Variants in CSNK1G1 observed in about 807,000 individuals in gnomAD.
CSNK1G1 encodes casein kinase 1 gamma 1, also known as casein kinase I isoform gamma-1.
A neutral mutation model predicts 59.6 loss-of-function variants in CSNK1G1; 22 were observed. The ratio of observed to expected loss-of-function variants is 0.37; its 90% CI spans 0.26 to 0.53. CSNK1G1 has a LOEUF of 0.53. CSNK1G1 is among the 20% of genes least tolerant of loss of function. The pLI is 0.89. For synonymous variants in CSNK1G1, 179 were observed against 177.1 expected (o/e 1.01, Z -0.08); for missense variants, 384 against 519.5 (o/e 0.74, Z 2.54).
At chr15:64,315,533 C>T (rs1442153932) in intron 1 of CSNK1G1, among the ~76,000 whole-genome samples, 18 of 152,198 alleles carry the variant, frequency 1.2e-4, no homozygotes, top group Non-Finnish European at 2.6e-4. Context: ...ACTGGAATTA[C>T]TTGCCTTAGT....
At chr15:64,259,044 G>T in intron 3 of CSNK1G1, 157 bp downstream of exon 3, 1 of 601,834 alleles carries the variant, frequency 1.7e-6, no homozygotes. Flanking sequence ...ATTCATCACT[G>T]TTAACACTAT....
chr15:64,252,245 G>A lies in CSNK1G1; in HGVS notation c.223-664C>T, dbSNP rs540562270. On this transcript the variant is annotated intron_variant, in intron 3 of 11. Coordinates refer to ENST00000303052, the MANE Select transcript of CSNK1G1 (RefSeq NM_022048.5). ...CATATTCCCATGGCGGTAAATAAACGTGTATAATTTCTTTTTTTTTTTAAG... is the reference window on the plus strand; with the variant it reads ...CATATTCCCATGGCGGTAAATAAACATGTATAATTTCTTTTTTTTTTTAAG... 5.3e-5 allele frequency among the ~76,000 whole-genome samples: 8 copies of A among 151,602 alleles called. No homozygotes were observed. In the East Asian group the frequency reaches 5.8e-4, roughly 11 times the overall value.
At chr15:64,308,539 T>C (rs535413615) in intron 1 of CSNK1G1, among the ~76,000 whole-genome samples, 1 of 152,332 alleles carries the variant, frequency 6.6e-6, no homozygotes, top group South Asian at 2.1e-4. Flanking sequence ...TATGATTTCA[T>C]CAACCTCTGA....
At chr15:64,213,790 T>C in intron 6 of CSNK1G1, 100 bp downstream of exon 6, 1 of 843,928 alleles carries the variant, frequency 1.2e-6, no homozygotes, top group Non-Finnish European at 1.9e-6. Context: ...TGTGAAACAA[T>C]AAAAACCACA....
chr15:64,165,949 G>T lies in CSNK1G1; in HGVS notation c.*5982C>A. The T allele has an allele frequency of 3.2e-6, 2 of 624,698 alleles. No homozygotes were observed. The highest frequency in any genetic ancestry group is 5.7e-6 in the Non-Finnish European group (2 of 352,084). The allele number at this position is 624,698 out of a possible 1,614,324, so 38.7% of individuals were successfully genotyped here. ...CTGCAGAGAAGATTTTCCTAATGGT[G>T]CACAAATATCTCTCCTGGAGGAACC... is the stretch of plus-strand genomic sequence containing the variant. On this transcript the variant is annotated 3_prime_UTR_variant, in exon 12 of 12. Coordinates refer to ENST00000303052, the MANE Select transcript of CSNK1G1 (RefSeq NM_022048.5).
chr15:64,168,954 T>C lies in CSNK1G1; in HGVS notation c.*2977A>G, dbSNP rs1211227933. On this transcript the variant is annotated 3_prime_UTR_variant, in exon 12 of 12. Coordinates refer to ENST00000303052, the MANE Select transcript of CSNK1G1 (RefSeq NM_022048.5). Reference sequence around the variant, plus strand: ...AAAGGGACCTGGGATTCTTTACCCTTGTTATAAAAACCAAATATCTAGTAA... The same window carrying C: ...AAAGGGACCTGGGATTCTTTACCCTCGTTATAAAAACCAAATATCTAGTAA... 3 of 152,648 alleles carry C rather than the reference T, an allele frequency of 2.0e-5. No homozygotes were observed. Among genetic ancestry groups the C allele is most frequent in the African/African-American group, 4.8e-5 (2 of 41,460 alleles). 9.5% of individuals were successfully genotyped at this position (152,648 alleles called of 1,614,324 possible). A position where few individuals can be genotyped will look rare whatever the true frequency, so the allele number is the denominator to read the frequency against.
intron 11 of CSNK1G1, among the ~76,000 whole-genome samples, chr15:64,178,072 T>A: frequency 6.6e-6 from 1 of 152,200 alleles, no homozygotes; most frequent in East Asian, 1.9e-4. Context: ...GGGCCACATT[T>A]CAATAAATTA....
chr15:64,270,566 T>C (rs1893237509), intron 2 of CSNK1G1, among the ~76,000 whole-genome samples: 1 of 152,132 alleles, frequency 6.6e-6, no homozygotes, highest in African/African-American at 2.4e-5. Context: ...GAGACCATCC[T>C]GGCCAACACA....
intron 1 of CSNK1G1, among the ~76,000 whole-genome samples, chr15:64,323,529 C>A (rs1367969241): frequency 6.6e-6 from 1 of 151,966 alleles, no homozygotes; most frequent in Non-Finnish European, 1.5e-5. Flanking sequence ...CCACGCCCAG[C>A]TAATTTTGTA....
intron 4 of CSNK1G1, among the ~76,000 whole-genome samples, chr15:64,225,991 C>T (rs946639194): frequency 5.3e-5 from 8 of 152,314 alleles, no homozygotes; most frequent in Admixed American, 2.6e-4. Flanking sequence ...TTGAGCCACC[C>T]GCTCAAGCCC....
rs143788201 is a variant in CSNK1G1 at position 64,292,913 on chromosome 15, C to T, written c.181+7406G>A. On this transcript the variant is annotated intron_variant, in intron 2 of 11. Transcript: ENST00000303052. ...ACTGCACTCCAGCCTGGTGATAGAG[C>T]GAGACTCCATCTCATAAATAAATAA... Among the ~76,000 whole-genome samples, 56 of 151,930 alleles carry T rather than the reference C, an allele frequency of 3.7e-4. 1 individual carries two copies. Among genetic ancestry groups the T allele is most frequent in the African/African-American group, 1.2e-3 (50 of 41,456 alleles).
chr15:64,182,037 T>C (rs1017133089), intron 10 of CSNK1G1: 2 of 151,246 alleles, frequency 1.3e-5, no homozygotes, highest in African/African-American at 4.9e-5. Flanking sequence ...ATAATTATTG[T>C]TCTCATTAGT....
At position 64,214,720 on chromosome 15, in the gene CSNK1G1, C is replaced by A. The variant is rs776083333; in HGVS notation, c.445-596G>T. 1.3e-5 allele frequency among the ~76,000 whole-genome samples: 2 copies of A among 151,816 alleles called. No individual in the cohort carries two copies. The highest frequency in any genetic ancestry group is 2.9e-5 in the Non-Finnish European group (2 of 67,958). On this transcript the variant is annotated intron_variant, in intron 5 of 11. Transcript: ENST00000303052. This position sits in a 1 kb window ranked among gnomAD's most constrained non-coding sequence, Gnocchi z 4.3. ...CTCTGTCACCCAGGGTGGAGTGCAGCCTCAGCCTCCTGGGTTCTAGCAATT... is the reference window on the plus strand; with the variant it reads ...CTCTGTCACCCAGGGTGGAGTGCAGACTCAGCCTCCTGGGTTCTAGCAATT...
intron 2 of CSNK1G1, among the ~76,000 whole-genome samples, chr15:64,281,813 A>G (rs1894153823): frequency 6.6e-6 from 1 of 151,870 alleles, no homozygotes; most frequent in African/African-American, 2.4e-5. Flanking sequence ...AAAAAAAAAA[A>G]AGAAAAGAAA....
At chr15:64,320,986 T>C (rs185328699) in intron 1 of CSNK1G1, among the ~76,000 whole-genome samples, 1 of 150,678 alleles carries the variant, frequency 6.6e-6, no homozygotes, top group African/African-American at 2.5e-5. Flanking sequence ...GATTAAAAAG[T>C]ATCTTTTTCA....
chr15:64,249,948 C>G (rs992906471), intron 4 of CSNK1G1, among the ~76,000 whole-genome samples: 1 of 152,142 alleles, frequency 6.6e-6, no homozygotes, highest in African/African-American at 2.4e-5. Flanking sequence ...CTGTCCACTT[C>G]CCCACTTAAA....
At chr15:64,175,576 G>T (rs1343192596) in intron 11 of CSNK1G1, among the ~76,000 whole-genome samples, 3 of 151,996 alleles carry the variant, frequency 2.0e-5, no homozygotes, top group Non-Finnish European at 4.4e-5. Context: ...TACATTCCAG[G>T]AACCTTTTCC....
chr15:64,293,824 T>C (rs1200619082), intron 2 of CSNK1G1, among the ~76,000 whole-genome samples: 10 of 152,118 alleles, frequency 6.6e-5, no homozygotes, highest in Admixed American at 5.9e-4. Flanking sequence ...CTTGATGATC[T>C]AGGGTGGAAC....
intron 2 of CSNK1G1, among the ~76,000 whole-genome samples, chr15:64,272,334 G>C (rs1444473108): frequency 6.6e-6 from 1 of 151,860 alleles, no homozygotes; most frequent in Non-Finnish European, 1.5e-5. Flanking sequence ...TCCTGCCTCA[G>C]CCTCCTCAGT....
Sources: allele counts gnomAD v4.1 joint callset (sites outside exome capture counted in the v4.1 genomes callset), GRCh38; gene constraint gnomAD v4.1.1; non-coding constraint Gnocchi (gnomAD v3.1); transcripts MANE v1.5; gene names NCBI Gene and HGNC (gene_info 2026-07-23, HGNC 2026-07-21).